The following RERE variants were observed in gnomAD, a reference collection of about 807,000 sequenced individuals.
The protein encoded by RERE is arginine-glutamic acid dipeptide repeats, also known as arginine-glutamic acid dipeptide repeats protein.
In RERE, 40 loss-of-function variants were observed where a neutral mutation model predicts 146.1. The observed-to-expected ratio is 0.27, with a 90% CI of 0.21 to 0.36. The LOEUF is 0.36. Ranked by LOEUF, RERE falls within the 10% of genes least tolerant of loss-of-function variation. RERE has a pLI of 1.00. For missense variants in RERE, 1,933 were observed against 2,138.7 expected (o/e 0.90, Z 1.90); for synonymous variants, 1,003 against 866.0 (o/e 1.16, Z -2.78).
chr1:8,395,226 A>G (rs1342264629), intron 12 of RERE, among the ~76,000 whole-genome samples: 1 of 152,152 alleles, frequency 6.6e-6, no homozygotes, highest in Non-Finnish European at 1.5e-5. Context: ...TTGTAATCTG[A>G]GCACTTTGGG....
At chr1:8,627,057 ACT>A (rs373640433) in intron 2 of RERE, among the ~76,000 whole-genome samples, 206 of 151,764 alleles carry the variant, frequency 1.4e-3, no homozygotes, top group African/African-American at 4.8e-3. Context: ...AGTCTGCAAA[ACT>A]CTTCTTCTCT....
chr1:8,597,640 T>G (rs1304133231), intron 4 of RERE, among the ~76,000 whole-genome samples: 2 of 152,202 alleles, frequency 1.3e-5, no homozygotes. Context: ...GAGGGAAGAA[T>G]GTCTGCAGCA....
chr1:8,714,380 C>T (rs1569614518), intron 1 of RERE, among the ~76,000 whole-genome samples: 1 of 152,188 alleles, frequency 6.6e-6, no homozygotes, highest in Non-Finnish European at 1.5e-5. Context: ...GCTCTGGCGT[C>T]TTTCCTGAAA....
intron 7 of RERE, among the ~76,000 whole-genome samples, chr1:8,524,320 T>C (rs1293970919): frequency 6.6e-6 from 1 of 152,184 alleles, no homozygotes; most frequent in Non-Finnish European, 1.5e-5. Flanking sequence ...AATCCCAAAA[T>C]TGAATCTGTA....
intron 1 of RERE, among the ~76,000 whole-genome samples, chr1:8,659,709 A>C (rs928956860): frequency 2.0e-5 from 3 of 152,258 alleles, no homozygotes; most frequent in African/African-American, 7.2e-5. Context: ...TTCAGACAGA[A>C]ACACTTCTGA....
intron 2 of RERE, among the ~76,000 whole-genome samples, chr1:8,654,220 A>G (rs2124327663): frequency 6.6e-6 from 1 of 152,058 alleles, no homozygotes; most frequent in Admixed American, 6.5e-5. Context: ...ACTGTTTTGC[A>G]GAGATACGGT....
intron 12 of RERE, among the ~76,000 whole-genome samples, chr1:8,389,116 G>A (rs1216909970): frequency 6.6e-6 from 1 of 152,186 alleles, no homozygotes; most frequent in East Asian, 1.9e-4. Flanking sequence ...TGTCAGCTGG[G>A]AAGGGTGACA....
At chr1:8,502,542 A>C (rs1645187040) in intron 8 of RERE, among the ~76,000 whole-genome samples, 1 of 139,922 alleles carries the variant, frequency 7.1e-6, no homozygotes, top group East Asian at 2.3e-4. Context: ...CCCTACTGGG[A>C]AGTGAGGAGC....
At chr1:8,716,739 T>TA (rs1038861516) in intron 1 of RERE, among the ~76,000 whole-genome samples, 15 of 151,722 alleles carry the variant, frequency 9.9e-5, no homozygotes, top group South Asian at 2.1e-4. Context: ...TACCTTTTTT[T>TA]AAAAAAAATT....
chr1:8,653,093 C>T (rs1032885355), intron 2 of RERE, among the ~76,000 whole-genome samples: 3 of 152,132 alleles, frequency 2.0e-5, no homozygotes, highest in East Asian at 1.9e-4. Context: ...GAAAAATAGC[C>T]GGTGTTTTTC....
At chr1:8,760,745 G>A (rs1381516322) in intron 1 of RERE, among the ~76,000 whole-genome samples, 2 of 152,150 alleles carry the variant, frequency 1.3e-5, no homozygotes, top group Non-Finnish European at 2.9e-5. Context: ...AATCCAGCCA[G>A]TGTCAGTTAT....
At chr1:8,368,489 A>G (rs1233435926) in intron 12 of RERE, among the ~76,000 whole-genome samples, 4 of 151,472 alleles carry the variant, frequency 2.6e-5, no homozygotes, top group East Asian at 3.9e-4. Context: ...AAAAGAAAAA[A>G]AAAAAAAAAA....
intron 10 of RERE, 100 bp from the exon 11 acceptor site, chr1:8,466,123 G>T: frequency 1.0e-6 from 1 of 963,306 alleles, no homozygotes; most frequent in Non-Finnish European, 1.5e-6. Context: ...CCACAGAAGA[G>T]TCAGGAAAGG....
At chr1:8,686,971 G>T (rs1291915669) in intron 1 of RERE, among the ~76,000 whole-genome samples, 2 of 152,168 alleles carry the variant, frequency 1.3e-5, no homozygotes, top group Non-Finnish European at 2.9e-5. Flanking sequence ...CAGTTTCCCT[G>T]GAGCAACAAC....
intron 1 of RERE, among the ~76,000 whole-genome samples, chr1:8,699,496 G>A (rs897341004): frequency 1.3e-5 from 2 of 152,024 alleles, no homozygotes; most frequent in African/African-American, 2.4e-5. Context: ...ACTATTTCAT[G>A]GATTAATTAG....
intron 1 of RERE, among the ~76,000 whole-genome samples, chr1:8,808,844 G>A (rs1037697328): frequency 2.0e-5 from 3 of 152,088 alleles, no homozygotes; most frequent in African/African-American, 4.8e-5. Context: ...TTTAAACAAA[G>A]TATTGAGGGA....
chr1:8,812,587 A>G (rs1641833341), intron 1 of RERE, among the ~76,000 whole-genome samples: 1 of 152,202 alleles, frequency 6.6e-6, no homozygotes, highest in African/African-American at 2.4e-5. Flanking sequence ...GCAAAGTTGC[A>G]GTGAGCCGAG....
chr1:8,659,411 G>T (rs1393187103), intron 1 of RERE, among the ~76,000 whole-genome samples: 2 of 152,176 alleles, frequency 1.3e-5, no homozygotes, highest in Non-Finnish European at 2.9e-5. Flanking sequence ...ACAAAAATTA[G>T]CTGGGTGCAG....
At chr1:8,393,946 C>T (rs1421851333) in intron 12 of RERE, among the ~76,000 whole-genome samples, 1 of 152,148 alleles carries the variant, frequency 6.6e-6, no homozygotes, top group Admixed American at 6.5e-5. Flanking sequence ...TCAAGGCCCA[C>T]GATTTTGCCA....
Sources: allele counts gnomAD v4.1 joint callset (sites outside exome capture counted in the v4.1 genomes callset), GRCh38; gene constraint gnomAD v4.1.1; transcripts MANE v1.5; gene names NCBI Gene and HGNC (gene_info 2026-07-23, HGNC 2026-07-21).